Variants in UXS1 observed in about 807,000 individuals in gnomAD.
The protein encoded by UXS1 is UDP-glucuronic acid decarboxylase 1.
In UXS1, 33 loss-of-function variants were observed where a neutral mutation model predicts 62.6. The ratio of observed to expected loss-of-function variants is 0.53; its 90% CI spans 0.40 to 0.70. The LOEUF is 0.70. UXS1 is among the 30% of genes least tolerant of loss of function. The pLI, the probability that UXS1 is intolerant of heterozygous loss-of-function variation, is 0.00. For synonymous variants in UXS1, 213 were observed against 206.8 expected (o/e 1.03, Z -0.26); for missense variants, 434 against 556.3 (o/e 0.78, Z 2.21).
rs1451086336 is a variant in UXS1 at position 106,129,818 on chromosome 2, C to A, written c.473-40G>T. The stretch of plus-strand genomic sequence containing the variant: ...ACAGAAGCCTATTACTTCAAAAAAG[C>A]ACCAAAAAAATACTGACCTCCTAGG... On this transcript the variant is annotated intron_variant, in intron 6 of 14. Transcript: ENST00000283148. The A allele has an allele frequency of 1.1e-5, 16 of 1,424,188 alleles. No individual in the cohort carries two copies. The Admixed American group carries it at 1.6e-4, about 14-fold the overall frequency. The allele number at this position is 1,424,188 out of a possible 1,614,324, so 88.2% of individuals were successfully genotyped here.
intron 5 of UXS1, among the ~76,000 whole-genome samples, chr2:106,156,856 T>C (rs546751802): frequency 1.2e-4 from 18 of 152,352 alleles, no homozygotes; most frequent in African/African-American, 4.3e-4. Flanking sequence ...ACCACAGATA[T>C]GGAGGGCCTA....
chr2:106,130,869 T>G, intron 6 of UXS1, among the ~76,000 whole-genome samples: 1 of 152,222 alleles, frequency 6.6e-6, no homozygotes, highest in East Asian at 1.9e-4. Context: ...TATATTTTTT[T>G]TAACATTTGA....
At chr2:106,141,912 C>T (rs1455431060) in intron 6 of UXS1, among the ~76,000 whole-genome samples, 1 of 151,216 alleles carries the variant, frequency 6.6e-6, no homozygotes, top group African/African-American at 2.4e-5. Context: ...ATTCTGTCAC[C>T]CAGGCTGGAG....
chr2:106,186,517 C>CAT (rs1156460324), intron 1 of UXS1, among the ~76,000 whole-genome samples: 1 of 151,434 alleles, frequency 6.6e-6, no homozygotes, highest in East Asian at 1.9e-4. Flanking sequence ...CACACACACA[C>CAT]ATATATAGGT....
chr2:106,156,767 A>T (rs1018813092), intron 5 of UXS1, among the ~76,000 whole-genome samples: 2 of 152,222 alleles, frequency 1.3e-5, no homozygotes, highest in African/African-American at 4.8e-5. Context: ...AAAAGTCTGC[A>T]CATGTTCAGT....
intron 9 of UXS1, among the ~76,000 whole-genome samples, chr2:106,121,304 G>C (rs1470141903): frequency 6.6e-6 from 1 of 152,072 alleles, no homozygotes; most frequent in South Asian, 2.1e-4. Context: ...TAAGGCAATA[G>C]GTATACCCAT....
At chr2:106,144,599 AC>A (rs1681402664) in intron 6 of UXS1, among the ~76,000 whole-genome samples, 1 of 152,216 alleles carries the variant, frequency 6.6e-6, no homozygotes, top group Non-Finnish European at 1.5e-5. Context: ...TTAAATTCTA[AC>A]CATATTTAGT....
At chr2:106,165,371 A>T (rs1457086178) in intron 2 of UXS1, among the ~76,000 whole-genome samples, 5 of 152,204 alleles carry the variant, frequency 3.3e-5, no homozygotes, top group African/African-American at 1.2e-4. Flanking sequence ...GTGCAGCCGC[A>T]TTACATTACA....
At chr2:106,115,863 G>A (rs1360376058) in intron 9 of UXS1, among the ~76,000 whole-genome samples, 1 of 152,174 alleles carries the variant, frequency 6.6e-6, no homozygotes, top group African/African-American at 2.4e-5. Flanking sequence ...TCTGTCCCCA[G>A]TTTTCTGATG....
chr2:106,138,119 GAGAGTACAGGA>G, intron 6 of UXS1: 2 of 959,040 alleles, frequency 2.1e-6, no homozygotes, highest in Non-Finnish European at 2.5e-6. Flanking sequence ...AGTGTGCCTT[GAGAGTACAGGA>G]AGCCTCTCCG....
At chr2:106,153,988 A>T (rs941306137) in intron 5 of UXS1, among the ~76,000 whole-genome samples, 8 of 152,216 alleles carry the variant, frequency 5.3e-5, no homozygotes, top group African/African-American at 1.9e-4. Context: ...AGGCTAAAGA[A>T]TCAGCAAACT....
At chr2:106,149,692 A>G (rs1681859323) in intron 5 of UXS1, among the ~76,000 whole-genome samples, 1 of 152,254 alleles carries the variant, frequency 6.6e-6, no homozygotes, top group South Asian at 2.1e-4. Flanking sequence ...GGACTAGGAC[A>G]GAAAATGGGT....
At position 106,093,966 on chromosome 2, in the gene UXS1, A is replaced by G; in HGVS notation, c.*60T>C. The stretch of plus-strand genomic sequence containing the variant: ...CTTTCTTTAAACGACAACAAAAAAA[A>G]GCCAAAAATACATCCCATCAAGTGT... On this transcript the variant is annotated 3_prime_UTR_variant, in exon 15 of 15. Coordinates refer to ENST00000283148, the MANE Select transcript of UXS1 (RefSeq NM_001253875.2). 1 of 1,482,840 alleles carries G rather than the reference A, an allele frequency of 6.7e-7. No homozygotes were observed. Among genetic ancestry groups the G allele is most frequent in the Non-Finnish European group, 8.9e-7 (1 of 1,121,132 alleles). 91.9% of individuals were successfully genotyped at this position (1,482,840 alleles called of 1,614,324 possible).
chr2:106,115,457 C>G (rs1453123659), intron 9 of UXS1, among the ~76,000 whole-genome samples: 1 of 152,240 alleles, frequency 6.6e-6, no homozygotes, highest in Non-Finnish European at 1.5e-5. Flanking sequence ...GCTGATTCAT[C>G]CTAGGCATGG....
At chr2:106,123,737 A>G (rs767892502) in intron 8 of UXS1, among the ~76,000 whole-genome samples, 12 of 152,222 alleles carry the variant, frequency 7.9e-5, no homozygotes, top group Non-Finnish European at 1.6e-4. Context: ...CACGTAACAA[A>G]TTCTTTTATT....
chr2:106,178,073 G>A (rs1045375035), intron 1 of UXS1, among the ~76,000 whole-genome samples: 8 of 152,136 alleles, frequency 5.3e-5, no homozygotes, highest in Non-Finnish European at 1.0e-4. Flanking sequence ...AATTCTAGAC[G>A]CCCCTTCTCC....
intron 1 of UXS1, among the ~76,000 whole-genome samples, chr2:106,191,383 T>C (rs1241068991): frequency 1.3e-5 from 2 of 152,206 alleles, no homozygotes; most frequent in Non-Finnish European, 2.9e-5. Context: ...AAGCAGAGAT[T>C]AGAAAACACA....
At chr2:106,097,410 G>A in intron 13 of UXS1, 1 of 350,012 alleles carries the variant, frequency 2.9e-6, no homozygotes, top group Non-Finnish European at 5.7e-6. Context: ...GGCCAGACCT[G>A]CAGAAGAAAG....
At chr2:106,123,891 T>C (rs896331491) in intron 8 of UXS1, among the ~76,000 whole-genome samples, 2 of 152,206 alleles carry the variant, frequency 1.3e-5, no homozygotes, top group Non-Finnish European at 2.9e-5. Flanking sequence ...TTGTTATAAA[T>C]TCCCATCTTG....
Sources: gnomAD v4.1 joint callset for allele counts (sites outside exome capture counted in the v4.1 genomes callset) on GRCh38, gnomAD v4.1.1 for gene constraint, MANE v1.5 for transcripts, NCBI Gene and HGNC (gene_info 2026-07-23, HGNC 2026-07-21) for gene names.